TRAK2: variants seen among roughly 807,000 people sequenced by gnomAD.
TRAK2 encodes the protein trafficking kinesin protein 2, also known as trafficking kinesin-binding protein 2.
In TRAK2, 81 loss-of-function variants were observed where a neutral mutation model predicts 104.6. The observed-to-expected ratio is 0.77, with a 90% CI of 0.65 to 0.93. The LOEUF (loss-of-function observed/expected upper bound fraction) is 0.93. Ranked by LOEUF, TRAK2 falls within the 40% of genes least tolerant of loss-of-function variation. The pLI, the probability that TRAK2 is intolerant of heterozygous loss-of-function variation, is 0.00. For missense variants in TRAK2, 1,002 were observed against 1,089.0 expected (o/e 0.92, Z 1.12); for synonymous variants, 406 against 394.4 (o/e 1.03, Z -0.35).
At chr2:201,405,529 G>A (rs1418092536) in intron 3 of TRAK2, among the ~76,000 whole-genome samples, 1 of 152,116 alleles carries the variant, frequency 6.6e-6, no homozygotes, top group African/African-American at 2.4e-5. Context: ...AATTTTGTAG[G>A]TGGAGTAGGG....
intron 2 of TRAK2, chr2:201,412,775 T>C: frequency 3.3e-6 from 4 of 1,228,328 alleles, no homozygotes; most frequent in Non-Finnish European, 3.6e-6. Context: ...TTTTCAGGAG[T>C]AATATTTCCA....
intron 1 of TRAK2, among the ~76,000 whole-genome samples, chr2:201,446,432 G>A (rs80273648): frequency 0.12 from 17,910 of 152,206 alleles, 1,424 homozygotes; most frequent in Non-Finnish European, 0.16. Flanking sequence ...TATTGCCTCC[G>A]AACACTTTCT....
Position 201,395,454 on chromosome 2 carries a change from A to C in TRAK2, c.770-10T>G. 1.1e-5 allele frequency: 17 copies of C among 1,488,346 alleles called. No individual in the cohort carries two copies. Among genetic ancestry groups the C allele is most frequent in the Non-Finnish European group, 1.5e-5 (17 of 1,106,810 alleles). 92.2% of individuals were successfully genotyped at this position (1,488,346 alleles called of 1,614,324 possible). ...TGAGCATTTGTTTCACCTTGGAAGC[A>C]AAAAAAATTTTTTTAAATTAATACA... On this transcript the variant is annotated splice_polypyrimidine_tract_variant and intron_variant, in intron 7 of 15. Coordinates refer to ENST00000332624, the MANE Select transcript of TRAK2 (RefSeq NM_015049.3).
chr2:201,427,535 T>C (rs1173175911), intron 1 of TRAK2, among the ~76,000 whole-genome samples: 1 of 152,206 alleles, frequency 6.6e-6, no homozygotes, highest in African/African-American at 2.4e-5. Context: ...TATTCCAGAG[T>C]GTATATGTGC....
chr2:201,420,532 G>A lies in TRAK2; in HGVS notation c.-25C>T. Reference sequence around the variant, plus strand: ...TGCAGGATCCTTTCTTGCTTTGGTTGAGAAGGACAGCTTTGGTATGAATCA... The same window carrying A: ...TGCAGGATCCTTTCTTGCTTTGGTTAAGAAGGACAGCTTTGGTATGAATCA... On this transcript the variant is annotated 5_prime_UTR_variant, in exon 2 of 16. The change creates a premature stop within an existing upstream ORF in the 5' untranslated region. Coordinates refer to ENST00000332624, the MANE Select transcript of TRAK2 (RefSeq NM_015049.3). 1 of 1,578,962 alleles carries A rather than the reference G, an allele frequency of 6.3e-7. No homozygotes were observed. Among genetic ancestry groups the A allele is most frequent in the Non-Finnish European group, 8.7e-7 (1 of 1,148,376 alleles).
rs2125638263 is a variant in TRAK2, at chr2:201,380,410, T to C, written c.*133A>G. The C allele has an allele frequency of 3.2e-6, 3 of 944,882 alleles. No homozygotes were observed. Among genetic ancestry groups the C allele is most frequent in the African/African-American group, 1.7e-5 (1 of 60,282 alleles). The allele number at this position is 944,882 out of a possible 1,614,324, so 58.5% of individuals were successfully genotyped here. A position where few individuals can be genotyped will look rare whatever the true frequency, so the allele number is the denominator to read the frequency against. On this transcript the variant is annotated 3_prime_UTR_variant, in exon 16 of 16. Transcript: ENST00000332624. ...CTCATCCCAATTTTATTTCCATTCC[T>C]CCATTCCCCCTTTCACATTCACAAC...
At position 201,442,081 on chromosome 2, in the gene TRAK2, T is replaced by C. The variant is rs539279423; in HGVS notation, c.-200+9269A>G. ...AACCCCAAAGAGAGGTAGGTGCCTA[T>C]AGTGGAAAGCGATACGAGCAGAGAG... On this transcript the variant is annotated intron_variant, in intron 1 of 15. Transcript: ENST00000332624. Among the ~76,000 whole-genome samples, 282 of 151,166 alleles carry C rather than the reference T, an allele frequency of 1.9e-3. 2 individuals are homozygous for C. Among genetic ancestry groups the C allele is most frequent in the Non-Finnish European group, 2.1e-3 (141 of 67,794 alleles).
intron 1 of TRAK2, among the ~76,000 whole-genome samples, chr2:201,427,441 G>A (rs567119634): frequency 6.6e-6 from 1 of 151,720 alleles, no homozygotes; most frequent in East Asian, 1.9e-4. Context: ...CTGTCCTTGC[G>A]ATAGTTTGCT....
chr2:201,381,306 T>A (rs1951343148), intron 15 of TRAK2, 88 bp from the exon 16 acceptor site: 1 of 1,236,836 alleles, frequency 8.1e-7, no homozygotes, highest in South Asian at 1.6e-5. Flanking sequence ...ATAGTAGTTA[T>A]CCTTGGTAAA....
intron 14 of TRAK2, among the ~76,000 whole-genome samples, chr2:201,384,548 C>G (rs926665432): frequency 6.6e-6 from 1 of 152,044 alleles, no homozygotes; most frequent in Non-Finnish European, 1.5e-5. Flanking sequence ...AAAGTGTGGT[C>G]TGCAGACTCT....
rs1296831804 is a variant in TRAK2, at chr2:201,397,955, G to A, written c.690+190C>T. The A allele has an allele frequency of 2.2e-4, 119 of 545,774 alleles. 1 individual carries two copies. In the East Asian group the frequency reaches 3.4e-3, roughly 15 times the overall value. The allele number at this position is 545,774 out of a possible 1,614,324, so 33.8% of individuals were successfully genotyped here. A position where few individuals can be genotyped will look rare whatever the true frequency, so the allele number is the denominator to read the frequency against. The stretch of plus-strand genomic sequence containing the variant: ...ACTTTCACTATTGTACTGTCAACCT[G>A]CTACTATCCACTTTTCAGTGGGATC... On this transcript the variant is annotated intron_variant, in intron 6 of 15. Coordinates refer to ENST00000332624, the MANE Select transcript of TRAK2 (RefSeq NM_015049.3).
intron 3 of TRAK2, among the ~76,000 whole-genome samples, chr2:201,403,712 A>T (rs572453319): frequency 6.6e-6 from 1 of 151,594 alleles, no homozygotes; most frequent in East Asian, 1.9e-4. Context: ...GCGTTTTGCC[A>T]GTTTTCCATA....
chr2:201,384,099 A>C lies in TRAK2; in HGVS notation c.2069+12T>G. The C allele has an allele frequency of 1.9e-6, 3 of 1,570,398 alleles. No homozygotes were observed. The highest frequency in any genetic ancestry group is 2.6e-6 in the Non-Finnish European group (3 of 1,149,756). On this transcript the variant is annotated intron_variant, in intron 15 of 15. Coordinates refer to ENST00000332624, the MANE Select transcript of TRAK2 (RefSeq NM_015049.3). Reference sequence around the variant, plus strand: ...AAAGAAGTGAGGCCCCAGATTTCCCAGGCACTCTTACCTGGGGGTAACCTG... The same window carrying C: ...AAAGAAGTGAGGCCCCAGATTTCCCCGGCACTCTTACCTGGGGGTAACCTG...
chr2:201,395,285 A>G (rs372431756), intron 8 of TRAK2, 29 bp downstream of exon 8: 39 of 1,577,912 alleles, frequency 2.5e-5, no homozygotes, highest in South Asian at 3.4e-5. Context: ...TGCTTAACAA[A>G]TATCTGTTGA....
At chr2:201,381,603 G>A (rs902432932) in intron 15 of TRAK2, among the ~76,000 whole-genome samples, 4 of 152,110 alleles carry the variant, frequency 2.6e-5, no homozygotes, top group Non-Finnish European at 4.4e-5. Context: ...AATTTAGAAT[G>A]TTTATTCATA....
rs571236937 is a variant in TRAK2, at chr2:201,424,779, T to G, written c.-199-4073A>C. Among the ~76,000 whole-genome samples the G allele has an allele frequency of 4.2e-4, 62 of 149,206 alleles. 4 individuals carry two copies. In the South Asian group the frequency reaches 0.014, roughly 33 times the overall value. ...CACCTTGCCTGGCTAATTTTTTTTG[T>G]ATTTTTTTTAGTAGAGACGGGGTTT... On this transcript the variant is annotated intron_variant, in intron 1 of 15. Coordinates refer to ENST00000332624, the MANE Select transcript of TRAK2 (RefSeq NM_015049.3).
intron 2 of TRAK2, chr2:201,413,438 G>A (rs1951665787): frequency 2.3e-6 from 1 of 440,146 alleles, no homozygotes; most frequent in Non-Finnish European, 4.0e-6. Flanking sequence ...GCAGCTGGAG[G>A]AGGGAAAGGG....
intron 8 of TRAK2, 79 bp from the exon 9 acceptor site, chr2:201,394,951 A>G (rs1249165801): frequency 8.0e-7 from 1 of 1,244,406 alleles, no homozygotes; most frequent in Non-Finnish European, 1.1e-6. Flanking sequence ...AGACATGTGA[A>G]GAATTTCTCT....
chr2:201,405,890 G>A (rs531378043), intron 3 of TRAK2, among the ~76,000 whole-genome samples: 1 of 152,320 alleles, frequency 6.6e-6, no homozygotes, highest in Admixed American at 6.5e-5. Flanking sequence ...GCTGAGGCAG[G>A]AGAATTGCTT....
Sources: gnomAD v4.1 joint callset for allele counts (sites outside exome capture counted in the v4.1 genomes callset) on GRCh38, gnomAD v4.1.1 for gene constraint, MANE v1.5 for transcripts, NCBI Gene and HGNC (gene_info 2026-07-23, HGNC 2026-07-21) for gene names.